The following GSTCD variants were observed in gnomAD, a reference collection of about 807,000 sequenced individuals.
The protein encoded by GSTCD is glutathione S-transferase C-terminal domain-containing protein.
In GSTCD, 44 loss-of-function variants were observed where a neutral mutation model predicts 68.3. The ratio of observed to expected loss-of-function variants is 0.64; its 90% confidence interval spans 0.51 to 0.83. GSTCD has a LOEUF of 0.83. Among genes scored for constraint, GSTCD ranks in the 40% least tolerant of loss-of-function variants. The probability of loss-of-function intolerance (pLI) is 0.00; values close to 1 mark genes in which losing one functional copy is unlikely to be tolerated. For synonymous variants in GSTCD, 273 were observed against 255.2 expected (o/e 1.07, Z -0.67); for missense variants, 739 against 735.9 (o/e 1.00, Z -0.05).
chr4:105,713,011 C>T (rs766161094), intron 1 of GSTCD, among the ~76,000 whole-genome samples: 2 of 151,944 alleles, frequency 1.3e-5, no homozygotes, highest in Non-Finnish European at 2.9e-5. Flanking sequence ...GTGAGTTGTG[C>T]CCCATTAATG....
chr4:105,823,317 A>G (rs897418276), intron 7 of GSTCD, 42 bp downstream of exon 7: 1 of 1,599,850 alleles, frequency 6.3e-7, no homozygotes, highest in African/African-American at 1.3e-5. Flanking sequence ...TTTTAAAATT[A>G]TACAGTTCAG....
intron 5 of GSTCD, among the ~76,000 whole-genome samples, chr4:105,743,205 C>T (rs992728958): frequency 1.3e-5 from 2 of 152,040 alleles, no homozygotes; most frequent in South Asian, 2.1e-4. Context: ...CCCCCTTGGC[C>T]TCCCAAAGTA....
chr4:105,794,877 ATCTATCTATCTATCTATGAGACAGAG>A (rs1396265206), intron 5 of GSTCD, among the ~76,000 whole-genome samples: 42 of 135,642 alleles, frequency 3.1e-4, no homozygotes, highest in Non-Finnish European at 6.3e-4. Flanking sequence ...CTATCTATCT[ATCTATCTATCTATCTATGAGACAGAG>A]TCTCACTCTG....
intron 5 of GSTCD, among the ~76,000 whole-genome samples, chr4:105,734,585 C>T (rs1301701234): frequency 2.0e-5 from 3 of 152,242 alleles, no homozygotes; most frequent in South Asian, 2.1e-4. Flanking sequence ...GTTAGCCATT[C>T]GTCTAATCTT....
intron 3 of GSTCD, 154 bp downstream of exon 3, chr4:105,719,681 A>G: frequency 1.6e-6 from 1 of 614,314 alleles, no homozygotes; most frequent in Non-Finnish European, 2.9e-6. Context: ...TGGTGATAAT[A>G]ATAGTACCTA....
intron 3 of GSTCD, among the ~76,000 whole-genome samples, chr4:105,722,585 A>G (rs1323409718): frequency 6.6e-6 from 1 of 152,102 alleles, no homozygotes; most frequent in African/African-American, 2.4e-5. Context: ...AATATTTTAT[A>G]TAGTAAGTGA....
intron 5 of GSTCD, among the ~76,000 whole-genome samples, chr4:105,767,849 A>G (rs1464938703): frequency 6.6e-6 from 1 of 152,030 alleles, no homozygotes; most frequent in Non-Finnish European, 1.5e-5. Context: ...TGCCCTTAGA[A>G]CTGGGGTTTG....
chr4:105,845,659 T>G lies in GSTCD; in HGVS notation c.*82T>G. The G allele has an allele frequency of 6.9e-7, 1 of 1,446,498 alleles. No homozygotes were observed. Among genetic ancestry groups the G allele is most frequent in the Non-Finnish European group, 9.6e-7 (1 of 1,039,718 alleles). The allele number at this position is 1,446,498 out of a possible 1,614,324, so 89.6% of individuals were successfully genotyped here. On this transcript the variant is annotated 3_prime_UTR_variant, in exon 12 of 12. Transcript: ENST00000515279. ...GCATTCAGGAGGTTCTTGGCATAAC[T>G]AGGAAACAGCATTAGCCATCTTGAA... is the stretch of plus-strand genomic sequence containing the variant.
intron 5 of GSTCD, among the ~76,000 whole-genome samples, chr4:105,780,695 CTTTTA>C (rs945835949): frequency 6.6e-6 from 1 of 152,020 alleles, no homozygotes; most frequent in African/African-American, 2.4e-5. Context: ...TCAAATGATT[CTTTTA>C]TAATAGAAGT....
At chr4:105,821,191 A>G (rs1723270460) in intron 5 of GSTCD, 1 of 151,926 alleles carries the variant, frequency 6.6e-6, no homozygotes, top group Non-Finnish European at 1.5e-5. Context: ...ACTGCAAATT[A>G]AAACTGCATT....
intron 5 of GSTCD, among the ~76,000 whole-genome samples, chr4:105,749,473 T>G (rs572346730): frequency 1.8e-4 from 28 of 152,000 alleles, no homozygotes; most frequent in African/African-American, 5.5e-4. Flanking sequence ...ATTGGAGAGA[T>G]AGACATACAG....
chr4:105,810,109 C>A (rs905437738), intron 5 of GSTCD, among the ~76,000 whole-genome samples: 1 of 152,044 alleles, frequency 6.6e-6, no homozygotes, highest in African/African-American at 2.4e-5. Flanking sequence ...TCTAGGAAGT[C>A]TACCTGTCTT....
At chr4:105,819,483 G>A (rs949209737) in intron 5 of GSTCD, among the ~76,000 whole-genome samples, 2 of 151,736 alleles carry the variant, frequency 1.3e-5, no homozygotes, top group Non-Finnish European at 3.0e-5. Flanking sequence ...GTTGAGATGC[G>A]TCCTCTGCAT....
At chr4:105,758,476 G>A (rs974575740) in intron 5 of GSTCD, among the ~76,000 whole-genome samples, 6 of 152,206 alleles carry the variant, frequency 3.9e-5, no homozygotes, top group African/African-American at 1.4e-4. Flanking sequence ...CCCGTCACTC[G>A]CTCTCTCTTG....
At chr4:105,728,959 G>A (rs72671863) in intron 4 of GSTCD, among the ~76,000 whole-genome samples, 6,788 of 152,214 alleles carry the variant, frequency 0.045, 207 homozygotes, top group Middle Eastern at 0.13. Flanking sequence ...GTGGTATTTT[G>A]GGGTATGTGT....
At chr4:105,716,805 A>G (rs1004300870) in intron 1 of GSTCD, among the ~76,000 whole-genome samples, 4 of 152,226 alleles carry the variant, frequency 2.6e-5, no homozygotes, top group Non-Finnish European at 1.5e-5. Flanking sequence ...AGCAATGAAG[A>G]AAGTTAATGA....
rs193131647 is a variant in GSTCD at position 105,836,973 on chromosome 4, A to G, written c.1665-886A>G. Among the ~76,000 whole-genome samples the G allele has an allele frequency of 2.4e-3, 365 of 152,330 alleles. 3 individuals are homozygous for G. The highest frequency in any genetic ancestry group is 8.3e-3 in the African/African-American group (346 of 41,576). Reference sequence around the variant, plus strand: ...AAATTTAGTATCAAATGTATAAGTCAATGTTTTTGAATGACTTAAGAGTGA... The same window carrying G: ...AAATTTAGTATCAAATGTATAAGTCGATGTTTTTGAATGACTTAAGAGTGA... On this transcript the variant is annotated intron_variant, in intron 9 of 11. Coordinates refer to ENST00000515279, the MANE Select transcript of GSTCD (RefSeq NM_001370181.1).
intron 5 of GSTCD, among the ~76,000 whole-genome samples, chr4:105,770,565 C>G (rs1175005696): frequency 1.3e-5 from 2 of 152,096 alleles, no homozygotes; most frequent in Non-Finnish European, 2.9e-5. Flanking sequence ...ATATTCCCCT[C>G]CCTGTGTCCA....
At chr4:105,733,942 AT>A (rs1313938997) in intron 5 of GSTCD, among the ~76,000 whole-genome samples, 4 of 152,120 alleles carry the variant, frequency 2.6e-5, no homozygotes, top group Non-Finnish European at 5.9e-5. Context: ...TCCTTCACTT[AT>A]GAAGCTTAGT....
Sources: allele counts gnomAD v4.1 joint callset (sites outside exome capture counted in the v4.1 genomes callset), GRCh38; gene constraint gnomAD v4.1.1; transcripts MANE v1.5; gene names NCBI Gene and HGNC (gene_info 2026-07-23, HGNC 2026-07-21).